ZAP70: variants seen among roughly 807,000 people sequenced by gnomAD.
ZAP70 encodes zeta chain of T cell receptor associated protein kinase 70.
ZAP70 carries 27 observed loss-of-function variants against 65.8 expected under a neutral mutation model. That is an observed-to-expected ratio of 0.41 (90% CI 0.30 to 0.57). The LOEUF (loss-of-function observed/expected upper bound fraction) is 0.57. Ranked by LOEUF, ZAP70 falls within the 20% of genes least tolerant of loss-of-function variation. The pLI, the probability that ZAP70 is intolerant of heterozygous loss-of-function variation, is 0.28. For synonymous variants in ZAP70, 363 were observed against 360.8 expected (o/e 1.01, Z -0.07); for missense variants, 696 against 870.5 (o/e 0.80, Z 2.52).
rs1047636432 is a variant in ZAP70 at position 97,724,012 on chromosome 2, G to T, written c.-21-4G>T. 6.5e-7 allele frequency: 1 copy of T among 1,542,556 alleles called. No homozygotes were observed. The highest frequency in any genetic ancestry group is 8.7e-7 in the Non-Finnish European group (1 of 1,150,818). On this transcript the variant is annotated splice_polypyrimidine_tract_variant and splice_region_variant and intron_variant, in intron 2 of 13. Transcript: ENST00000264972. The stretch of plus-strand genomic sequence containing the variant: ...CGTGCCTCCGACCCTCTGTGAACCC[G>T]CAGGTTTCGGGAGGCCCAGGGGCGA...
chr2:97,728,795 C>G (rs912909967), intron 4 of ZAP70, among the ~76,000 whole-genome samples: 11 of 152,222 alleles, frequency 7.2e-5, no homozygotes, highest in African/African-American at 2.7e-4. Context: ...CTCTGTCACC[C>G]AGGCTGGAGC....
At position 97,735,275 on chromosome 2, in the gene ZAP70, G is replaced by A; in HGVS notation, c.1108G>A (p.Val370Met). The change falls in exon 10 of 14, where the codon GTG becomes ATG. Residue 370 changes from valine (V) to methionine (M), a missense_variant. Val to Met is a conservative substitution (Grantham distance 21). This residue lies in a region of ZAP70 where 551 missense variants were observed against 630.0 expected (regional missense o/e 0.87). Transcript: ENST00000264972. ...GAAGCAGATCGACGTGGCCATCAAG[G>A]TGCTGAAGCAGGGCACGGAGAAGGC... ...RKKQIDVAIK[V>M]LKQGTEKADT... 1 of 1,614,042 alleles carries A rather than the reference G, an allele frequency of 6.2e-7. No homozygotes were observed. The highest frequency in any genetic ancestry group is 8.5e-7 in the Non-Finnish European group (1 of 1,179,960).
intron 9 of ZAP70, 33 bp downstream of exon 9, chr2:97,734,745 C>T (rs1677778171): frequency 6.2e-7 from 1 of 1,610,416 alleles, no homozygotes; most frequent in Non-Finnish European, 8.5e-7. Flanking sequence ...GGGAGCACCG[C>T]CGCCTGGGGC....
chr2:97,714,559 T>C (rs533429128), intron 2 of ZAP70, among the ~76,000 whole-genome samples: 196 of 152,206 alleles, frequency 1.3e-3, no homozygotes, highest in Non-Finnish European at 2.3e-3. Context: ...TAAATGCACA[T>C]GCAGATATGG....
At chr2:97,721,730 C>T (rs1360341209) in intron 2 of ZAP70, among the ~76,000 whole-genome samples, 1 of 151,054 alleles carries the variant, frequency 6.6e-6, no homozygotes, top group Non-Finnish European at 1.5e-5. Flanking sequence ...CGCAGCCGGC[C>T]AATCTTTTTC....
At chr2:97,755,154 T>C in the ZAP70 span, among the ~76,000 whole-genome samples, 1 of 152,104 alleles carries the variant, frequency 6.6e-6, no homozygotes, top group Non-Finnish European at 1.5e-5. Context: ...GAAAAGCAAG[T>C]TGGAACAGGC....
intron 2 of ZAP70, 91 bp from the exon 3 acceptor site, chr2:97,723,925 C>G (rs1179160336): frequency 7.0e-7 from 1 of 1,429,066 alleles, no homozygotes; most frequent in African/African-American, 1.4e-5. Flanking sequence ...CACTGATGCC[C>G]TCCACTTGGC....
the ZAP70 span, among the ~76,000 whole-genome samples, chr2:97,753,411 CAT>C: frequency 6.6e-6 from 1 of 152,186 alleles, no homozygotes; most frequent in South Asian, 2.1e-4. Context: ...AAGCCAGACT[CAT>C]ATGGAAAATG....
At chr2:97,744,203 G>C (rs1158525897), downstream of ZAP70, among the ~76,000 whole-genome samples, 1 of 152,196 alleles carries the variant, frequency 6.6e-6, no homozygotes, top group Non-Finnish European at 1.5e-5. Context: ...CTGGCCCGGT[G>C]CTCCCCTCAG....
rs75856310 is a variant in ZAP70 at position 97,715,004 on chromosome 2, G to C, written c.-22+1010G>C. Among the ~76,000 whole-genome samples the C allele has an allele frequency of 0.017, 2,658 of 152,234 alleles. 81 individuals carry two copies. The highest frequency in any genetic ancestry group is 0.061 in the African/African-American group (2,551 of 41,516). On this transcript the variant is annotated intron_variant, in intron 2 of 13. Coordinates refer to ENST00000264972, the MANE Select transcript of ZAP70 (RefSeq NM_001079.4). This position sits in a 1 kb window ranked among gnomAD's most constrained non-coding sequence, Gnocchi z 4.1. ...GCTTCCCTCCCAGGGCTCTCGGGAG[G>C]ATAAAGAGAGTGACTGTATCCACAC...
intron 4 of ZAP70, among the ~76,000 whole-genome samples, chr2:97,730,280 T>C (rs1314016491): frequency 2.0e-5 from 3 of 152,186 alleles, no homozygotes; most frequent in African/African-American, 7.2e-5. Context: ...GCTTGGCAAT[T>C]TGGCTGGTTG....
At chr2:97,724,922 G>T in intron 3 of ZAP70, 170 bp from the exon 4 acceptor site, 1 of 1,533,902 alleles carries the variant, frequency 6.5e-7, no homozygotes, top group Non-Finnish European at 8.7e-7. Context: ...TAGCTGGATT[G>T]GGGAGGGGAC....
chr2:97,744,532 T>A (rs1410532199), downstream of ZAP70, among the ~76,000 whole-genome samples: 4 of 152,194 alleles, frequency 2.6e-5, no homozygotes, highest in African/African-American at 9.7e-5. Context: ...TAGCACTTAG[T>A]AGCTGCTTAT....
Position 97,724,072 on chromosome 2 carries a change from C to T in ZAP70, c.36C>T (p.Tyr12=), listed in dbSNP as rs867147272. The T allele has an allele frequency of 6.4e-7, 1 of 1,559,084 alleles. No individual in the cohort carries two copies. Among genetic ancestry groups the T allele is most frequent in the Non-Finnish European group, 8.6e-7 (1 of 1,157,216 alleles). ...PDPAAHLPFF[Y]GSISRAEAEE... ...CCGCGGCGCACCTGCCCTTCTTCTA[C>T]GGCAGCATCTCGCGTGCCGAGGCCG... The change falls in exon 3 of 14, where the codon TAC becomes TAT. Residue 12 remains tyrosine (Y), a synonymous_variant. Transcript: ENST00000264972.
chr2:97,746,134 G>A, the ZAP70 span, among the ~76,000 whole-genome samples: 2,478 of 152,230 alleles, frequency 0.016, 30 homozygotes, highest in Non-Finnish European at 0.026. Context: ...TCATAGAGAC[G>A]GGAAGCAGAT....
At chr2:97,748,832 T>C in the ZAP70 span, among the ~76,000 whole-genome samples, 2 of 152,070 alleles carry the variant, frequency 1.3e-5, no homozygotes, top group Non-Finnish European at 2.9e-5. Context: ...TTTCCATATA[T>C]AGCTTCCCAT....
At chr2:97,716,398 G>A (rs1323831257) in intron 2 of ZAP70, among the ~76,000 whole-genome samples, 2 of 152,180 alleles carry the variant, frequency 1.3e-5, no homozygotes, top group South Asian at 2.1e-4. Flanking sequence ...CACTCCCGTG[G>A]TGCTTACATT....
Position 97,724,350 on chromosome 2 carries a change from C to A in ZAP70, c.314C>A (p.Pro105Gln). The A allele has an allele frequency of 6.4e-7, 1 of 1,551,226 alleles. No homozygotes were observed. ...PCNLRKPCNR[P>Q]SGLEPQPGVF... Reference sequence around the variant, plus strand: ...AACCTGCGCAAGCCGTGCAACCGGCCGTCGGGCCTCGAGCCGCAGCCGGGG... The same window carrying A: ...AACCTGCGCAAGCCGTGCAACCGGCAGTCGGGCCTCGAGCCGCAGCCGGGG... The change falls in exon 3 of 14, where the codon CCG (proline) becomes CAG (glutamine). Residue 105 changes from proline to glutamine, a missense_variant. By Grantham distance (76) the Pro-to-Gln change is moderately conservative. Around this residue, in one of 3 missense-constraint regions of ZAP70, gnomAD observed 551 missense variants for 630.0 expected, o/e 0.87. Coordinates refer to ENST00000264972, the MANE Select transcript of ZAP70 (RefSeq NM_001079.4).
chr2:97,734,980 C>T (rs567761771), intron 9 of ZAP70: 5 of 647,388 alleles, frequency 7.7e-6, no homozygotes, highest in Admixed American at 2.9e-5. Flanking sequence ...TCCCTGAGTC[C>T]ACTGGCCCCT....
Sources: gnomAD v4.1 joint callset for allele counts (sites outside exome capture counted in the v4.1 genomes callset) on GRCh38, gnomAD v4.1.1 for gene constraint, gnomAD v4.1.1 regional missense constraint, Gnocchi (gnomAD v3.1) non-coding constraint, MANE v1.5 for transcripts, NCBI Gene and HGNC (gene_info 2026-07-23, HGNC 2026-07-21) for gene names.